Variants in OR1J2 observed in about 807,000 individuals in gnomAD.
OR1J2 encodes olfactory receptor family 1 subfamily J member 2.
For synonymous variants in OR1J2, 142 were observed against 99.7 expected (o/e 1.42, Z -2.52); for missense variants, 304 against 246.1 (o/e 1.24, Z -1.57).
the OR1J2 span, among the ~76,000 whole-genome samples, chr9:122,454,179 A>G: frequency 6.6e-6 from 1 of 152,184 alleles, no homozygotes; most frequent in Non-Finnish European, 1.5e-5. Context: ...CACATATGAG[A>G]GAAACAGCTA....
chr9:122,500,372 TAGC>T, the OR1J2 span, among the ~76,000 whole-genome samples: 760 of 152,292 alleles, frequency 5.0e-3, 2 homozygotes, highest in African/African-American at 0.018. Context: ...TACTCACTTT[TAGC>T]AGCTGGATGC....
At chr9:122,455,669 C>A in the OR1J2 span, among the ~76,000 whole-genome samples, 1 of 152,124 alleles carries the variant, frequency 6.6e-6, no homozygotes, top group Non-Finnish European at 1.5e-5. Flanking sequence ...TTTTCACTCT[C>A]ACAATATTGT....
the OR1J2 span, among the ~76,000 whole-genome samples, chr9:122,501,646 T>C: frequency 6.6e-6 from 1 of 152,210 alleles, no homozygotes; most frequent in Non-Finnish European, 1.5e-5. Context: ...ACTTTAGTGT[T>C]GGGCACATAG....
the OR1J2 span, among the ~76,000 whole-genome samples, chr9:122,488,121 GTTTT>G: frequency 1.5e-4 from 23 of 151,848 alleles, no homozygotes; most frequent in Non-Finnish European, 4.4e-5. Context: ...ATTCTTTTGG[GTTTT>G]TTGTTTGTTT....
chr9:122,519,988 C>G, the OR1J2 span: 1 of 1,614,154 alleles, frequency 6.2e-7, no homozygotes, highest in East Asian at 2.2e-5. Flanking sequence ...GTGATCACCC[C>G]ATTGCTGAAT....
the OR1J2 span, chr9:122,477,454 A>G: frequency 6.2e-7 from 1 of 1,614,034 alleles, no homozygotes. Flanking sequence ...GAGGGTATGC[A>G]AAAGAGCACA....
the OR1J2 span, among the ~76,000 whole-genome samples, chr9:122,473,247 A>G: frequency 6.6e-6 from 1 of 152,036 alleles, no homozygotes; most frequent in South Asian, 2.1e-4. Flanking sequence ...CTCAGCTCCA[A>G]CCCTCTGTAC....
the OR1J2 span, chr9:122,471,276 A>G: frequency 6.6e-6 from 1 of 152,180 alleles, no homozygotes; most frequent in Non-Finnish European, 1.5e-5. Context: ...CATGGTAGTG[A>G]ATAAGTCTCA....
the OR1J2 span, among the ~76,000 whole-genome samples, chr9:122,547,607 TGAG>T: frequency 6.7e-6 from 1 of 149,428 alleles, no homozygotes; most frequent in Middle Eastern, 3.2e-3. Flanking sequence ...TTTTTATGGC[TGAG>T]TAGTAGTTCA....
chr9:122,560,994 G>T, the OR1J2 span, among the ~76,000 whole-genome samples: 1 of 152,046 alleles, frequency 6.6e-6, no homozygotes, highest in Admixed American at 6.6e-5. Flanking sequence ...TTTTTACATA[G>T]TCCCATATTT....
chr9:122,547,715 T>C, the OR1J2 span, among the ~76,000 whole-genome samples: 1 of 151,998 alleles, frequency 6.6e-6, no homozygotes. Context: ...TTAGTTTGAT[T>C]CCATATCTTT....
At chr9:122,533,489 G>A in the OR1J2 span, among the ~76,000 whole-genome samples, 6 of 152,066 alleles carry the variant, frequency 3.9e-5, no homozygotes, top group Non-Finnish European at 5.9e-5. Flanking sequence ...GGGTTAAGGT[G>A]GGGAGATAGA....
the OR1J2 span, chr9:122,527,215 C>G: frequency 6.2e-7 from 1 of 1,613,978 alleles, no homozygotes; most frequent in Non-Finnish European, 8.5e-7. Flanking sequence ...AGGAAAATTC[C>G]GAAGAGGGAC....
the OR1J2 span, among the ~76,000 whole-genome samples, chr9:122,566,550 A>G: frequency 5.9e-5 from 9 of 152,156 alleles, no homozygotes; most frequent in Admixed American, 5.9e-4. Context: ...GATTCTTTGA[A>G]CATGCTGCAT....
chr9:122,502,088 G>A, the OR1J2 span, among the ~76,000 whole-genome samples: 4 of 152,216 alleles, frequency 2.6e-5, no homozygotes, highest in African/African-American at 9.6e-5. Context: ...CTTGCTATCT[G>A]TGTAAACAAA....
At chr9:122,459,006 A>G in the OR1J2 span, among the ~76,000 whole-genome samples, 2 of 151,860 alleles carry the variant, frequency 1.3e-5, no homozygotes, top group South Asian at 4.2e-4. Context: ...ATTCTACTCT[A>G]CCTCCATGAG....
downstream of OR1J2, among the ~76,000 whole-genome samples, chr9:122,513,534 T>A (rs993207807): frequency 4.6e-5 from 7 of 151,946 alleles, no homozygotes; most frequent in Admixed American, 2.6e-4. Flanking sequence ...GCATTTTTTT[T>A]TTTTATTTTA....
At position 122,510,915 on chromosome 9, in the gene OR1J2, G is replaced by C. The variant is rs151331246; in HGVS notation, c.114G>C (p.Thr38=). The C allele has an allele frequency of 6.2e-7, 1 of 1,612,436 alleles. No homozygotes were observed. Residue 38 remains threonine (T), a synonymous_variant, in exon 1 of 1, where the codon ACG becomes ACC. Coordinates refer to ENST00000335302, the MANE Select transcript of OR1J2 (RefSeq NM_054107.1). ...TGTTCCTGGGCATGTACCTGACCAC[G>C]GTGCTGGGGAACCTGCTCATCATGC... ...FTLFLGMYLT[T]VLGNLLIMLL...
the OR1J2 span, among the ~76,000 whole-genome samples, chr9:122,542,439 C>G: frequency 2.0e-5 from 3 of 152,248 alleles, no homozygotes; most frequent in Admixed American, 2.0e-4. Flanking sequence ...AATGCATACT[C>G]TCATCCAAAT....
Sources: allele counts gnomAD v4.1 joint callset (sites outside exome capture counted in the v4.1 genomes callset), GRCh38; gene constraint gnomAD v4.1.1; transcripts MANE v1.5; gene names NCBI Gene and HGNC (gene_info 2026-07-23, HGNC 2026-07-21).